Variants in PNKD observed in about 807,000 individuals in gnomAD.
PNKD encodes probable thioesterase PNKD.
A neutral mutation model predicts 45.3 loss-of-function variants in PNKD; 36 were observed. The observed-to-expected ratio is 0.80, with a 90% CI of 0.61 to 1.05. PNKD has a LOEUF of 1.05. Ranked by LOEUF, PNKD falls within the 50% of genes least tolerant of loss-of-function variation. PNKD has a pLI of 0.00. For missense variants in PNKD, 511 were observed against 506.6 expected (o/e 1.01, Z -0.08); for synonymous variants, 197 against 210.1 (o/e 0.94, Z 0.54).
chr2:218,323,385 C>A, intron 2 of PNKD: 1 of 1,578,356 alleles, frequency 6.3e-7, no homozygotes, highest in Non-Finnish European at 8.6e-7. Flanking sequence ...GCGGGGCCTC[C>A]GCGGTCTGCT....
intron 2 of PNKD, among the ~76,000 whole-genome samples, chr2:218,339,510 G>A (rs1233508495): frequency 6.6e-6 from 1 of 152,170 alleles, no homozygotes; most frequent in African/African-American, 2.4e-5. Context: ...ACAGGTGTGA[G>A]CCACTGCGCC....
At chr2:218,275,721 T>C in intron 2 of PNKD, 1 of 1,393,250 alleles carries the variant, frequency 7.2e-7, no homozygotes, top group East Asian at 2.3e-5. Flanking sequence ...CGCCACACAG[T>C]GCTTAGGGCC....
chr2:218,341,649 G>A, intron 6 of PNKD, 23 bp downstream of exon 6: 1 of 1,505,544 alleles, frequency 6.6e-7, no homozygotes, highest in Non-Finnish European at 9.1e-7. Context: ...CCTAGGCAAG[G>A]GATGGCCCTT....
intron 2 of PNKD, among the ~76,000 whole-genome samples, chr2:218,305,592 G>A (rs1693383920): frequency 1.3e-5 from 2 of 151,446 alleles, no homozygotes; most frequent in Admixed American, 6.6e-5. Context: ...ACAATTTTCC[G>A]ATCCATCATC....
chr2:218,304,800 C>T (rs1693365610), intron 2 of PNKD, among the ~76,000 whole-genome samples: 4 of 151,828 alleles, frequency 2.6e-5, no homozygotes, highest in Admixed American at 2.6e-4. Flanking sequence ...ACTGGCCGGG[C>T]ACAGTGGCTC....
rs1690811669 is a variant in PNKD, at chr2:218,271,093, C to T, written c.68-288C>T. The stretch of plus-strand genomic sequence containing the variant: ...TTTCCTTCATACGTCTTATGTGAGT[C>T]CCACTGCAGTCCTTCCCATGCTGTC... On this transcript the variant is annotated intron_variant, in intron 1 of 9. Coordinates refer to ENST00000273077, the MANE Select transcript of PNKD (RefSeq NM_015488.5). 15 of 537,656 alleles carry T rather than the reference C, an allele frequency of 2.8e-5. No individual in the cohort carries two copies. In the East Asian group the frequency reaches 3.6e-4, roughly 13 times the overall value. The allele number at this position is 537,656 out of a possible 1,614,324, so 33.3% of individuals were successfully genotyped here.
At chr2:218,344,673 C>T (rs1694778270) in intron 9 of PNKD, 103 bp downstream of exon 9, 1 of 1,379,492 alleles carries the variant, frequency 7.2e-7, no homozygotes, top group Non-Finnish European at 1.0e-6. Context: ...CCCCAAAACT[C>T]TGACCTCTTT....
At chr2:218,272,891 C>G (rs866139083) in intron 2 of PNKD, 1 of 1,576,038 alleles carries the variant, frequency 6.3e-7, no homozygotes, top group African/African-American at 1.4e-5. Context: ...TACCCTGCCC[C>G]ACACCAAGGA....
intron 2 of PNKD, among the ~76,000 whole-genome samples, chr2:218,331,481 T>A (rs1345805848): frequency 2.0e-5 from 3 of 152,024 alleles, no homozygotes; most frequent in Non-Finnish European, 4.4e-5. Context: ...TTATTTATTT[T>A]TTTATTTTAG....
At chr2:218,320,881 AG>A (rs1199209897) in intron 2 of PNKD, among the ~76,000 whole-genome samples, 1 of 152,206 alleles carries the variant, frequency 6.6e-6, no homozygotes, top group Non-Finnish European at 1.5e-5. Flanking sequence ...CTTATGGCAG[AG>A]GAAGTGAAAC....
chr2:218,278,251 CTT>C, intron 2 of PNKD: 1 of 604,988 alleles, frequency 1.7e-6, no homozygotes, highest in Non-Finnish European at 2.9e-6. Context: ...TACTCAGCCT[CTT>C]TGAGCCTCGG....
Position 218,343,485 on chromosome 2 carries a change from C to T in PNKD, c.782-15C>T. The T allele has an allele frequency of 6.2e-7, 1 of 1,607,522 alleles. No individual in the cohort carries two copies. Among genetic ancestry groups the T allele is most frequent in the Non-Finnish European group, 8.5e-7 (1 of 1,175,092 alleles). On this transcript the variant is annotated splice_polypyrimidine_tract_variant and intron_variant, in intron 7 of 9. Coordinates refer to ENST00000273077, the MANE Select transcript of PNKD (RefSeq NM_015488.5). ...ATCCTGGCACCTTGTGACATACCCT[C>T]CAACCCCCACCCAGGGCGGACCTTT...
intron 2 of PNKD, chr2:218,318,272 G>C (rs968367641): frequency 6.6e-6 from 1 of 152,336 alleles, no homozygotes; most frequent in East Asian, 1.9e-4. Flanking sequence ...CACCCGACTC[G>C]GGTTATGAAG....
In PNKD at chr2:218,345,234, C is replaced by T. The variant is rs1456301565; in HGVS notation, c.*253C>T. ...AACGGCAAGAGGAAAGGAGGGGTCTCGGGACATCTCCAGACCCTACCAACT... is the reference window on the plus strand; with the variant it reads ...AACGGCAAGAGGAAAGGAGGGGTCTTGGGACATCTCCAGACCCTACCAACT... On this transcript the variant is annotated 3_prime_UTR_variant, in exon 10 of 10. Transcript: ENST00000273077. 2.4e-5 allele frequency: 13 copies of T among 535,858 alleles called. No individual in the cohort carries two copies. Among genetic ancestry groups the T allele is most frequent in the Middle Eastern group, 5.0e-4 (1 of 2,008 alleles). The allele number at this position is 535,858 out of a possible 1,614,324, so 33.2% of individuals were successfully genotyped here. A position where few individuals can be genotyped will look rare whatever the true frequency, so the allele number is the denominator to read the frequency against.
At chr2:218,289,727 G>T (rs901160006) in intron 2 of PNKD, among the ~76,000 whole-genome samples, 2 of 151,448 alleles carry the variant, frequency 1.3e-5, no homozygotes, top group Admixed American at 1.3e-4. Context: ...GAATGGCATG[G>T]CTCCCCAAGA....
chr2:218,327,104 T>G (rs1371051893), intron 2 of PNKD: 1 of 152,092 alleles, frequency 6.6e-6, no homozygotes, highest in Non-Finnish European at 1.5e-5. Context: ...CACAGGCAGG[T>G]CTGGGAGTGT....
chr2:218,277,764 G>A, intron 2 of PNKD: 1 of 1,576,224 alleles, frequency 6.3e-7, no homozygotes, highest in Non-Finnish European at 8.7e-7. Context: ...CCAGAGCTGG[G>A]GAACGCCACC....
At chr2:218,293,008 G>A (rs1367454515) in intron 2 of PNKD, among the ~76,000 whole-genome samples, 1 of 152,182 alleles carries the variant, frequency 6.6e-6, no homozygotes, top group Non-Finnish European at 1.5e-5. Flanking sequence ...ACTGGAGGCC[G>A]TTTGTTTCCC....
In PNKD at chr2:218,341,615, C is replaced by T; in HGVS notation, c.606C>T (p.Pro202=). 2.5e-6 allele frequency: 4 copies of T among 1,576,658 alleles called. No individual in the cohort carries two copies. Among genetic ancestry groups the T allele is most frequent in the Non-Finnish European group, 3.4e-6 (4 of 1,160,448 alleles). ...RVYGSPQDGI[P]YLTHPLCHQD... Reference sequence around the variant, plus strand: ...ACGGGAGCCCTCAGGACGGCATCCCCTACCTCACCCAGTAAGTCCCTGACC... The same window carrying T: ...ACGGGAGCCCTCAGGACGGCATCCCTTACCTCACCCAGTAAGTCCCTGACC... Residue 202 remains proline (P), a synonymous_variant, in exon 6 of 10, where the codon CCC becomes CCT. Transcript: ENST00000273077.
Sources: allele counts gnomAD v4.1 joint callset (sites outside exome capture counted in the v4.1 genomes callset), GRCh38; gene constraint gnomAD v4.1.1; transcripts MANE v1.5; gene names NCBI Gene and HGNC (gene_info 2026-07-23, HGNC 2026-07-21).